KCTD8: variants seen among roughly 807,000 people sequenced by gnomAD.
The protein encoded by KCTD8 is potassium channel tetramerization domain containing 8.
A neutral mutation model predicts 31.5 loss-of-function variants in KCTD8; 27 were observed. The ratio of observed to expected loss-of-function variants is 0.86; its 90% CI spans 0.63 to 1.18. The LOEUF is 1.18. KCTD8 is among the 50% of genes most tolerant of loss of function. KCTD8 has a pLI of 0.00. For missense variants in KCTD8, 658 were observed against 647.7 expected (o/e 1.02, Z -0.17); for synonymous variants, 290 against 280.0 (o/e 1.04, Z -0.36).
chr4:44,277,879 A>G (rs554256659), intron 1 of KCTD8, among the ~76,000 whole-genome samples: 103 of 152,092 alleles, frequency 6.8e-4, no homozygotes, highest in Non-Finnish European at 1.2e-3. Flanking sequence ...GGTTCTGACT[A>G]CACTACTACA....
chr4:44,286,335 C>A (rs1717066895), intron 1 of KCTD8, among the ~76,000 whole-genome samples: 1 of 152,088 alleles, frequency 6.6e-6, no homozygotes, highest in South Asian at 2.1e-4. Context: ...AAATCGACCC[C>A]AAATTTAATG....
At chr4:44,331,410 A>C (rs1320992683) in intron 1 of KCTD8, among the ~76,000 whole-genome samples, 1 of 151,814 alleles carries the variant, frequency 6.6e-6, no homozygotes, top group African/African-American at 2.4e-5. Context: ...AAATTATATT[A>C]TTTTGGAAAA....
intron 1 of KCTD8, among the ~76,000 whole-genome samples, chr4:44,446,845 T>C (rs1162270477): frequency 1.3e-5 from 2 of 150,864 alleles, no homozygotes; most frequent in Admixed American, 1.3e-4. Flanking sequence ...CACTCAGACA[T>C]GCAAACTTTC....
chr4:44,233,042 A>C (rs968777815), intron 1 of KCTD8, among the ~76,000 whole-genome samples: 2 of 152,070 alleles, frequency 1.3e-5, no homozygotes, highest in Non-Finnish European at 2.9e-5. Flanking sequence ...TTCAATAAAA[A>C]TTTTAAAACT....
chr4:44,252,789 T>C (rs1166275063), intron 1 of KCTD8, among the ~76,000 whole-genome samples: 1 of 151,754 alleles, frequency 6.6e-6, no homozygotes, highest in Non-Finnish European at 1.5e-5. Context: ...ATAAATGTCT[T>C]ATGCTTTTCT....
chr4:44,358,810 C>A (rs1039669282), intron 1 of KCTD8, among the ~76,000 whole-genome samples: 1 of 152,090 alleles, frequency 6.6e-6, no homozygotes, highest in Admixed American at 6.5e-5. Context: ...ACCTCATGAT[C>A]CACCCGCCTC....
At chr4:44,385,550 C>T (rs2109445949) in intron 1 of KCTD8, among the ~76,000 whole-genome samples, 1 of 151,632 alleles carries the variant, frequency 6.6e-6, no homozygotes, top group South Asian at 2.1e-4. Flanking sequence ...TAAAAATTAT[C>T]TCAAAATGGA....
intron 1 of KCTD8, among the ~76,000 whole-genome samples, chr4:44,327,865 T>C (rs16856848): frequency 0.03 from 4,495 of 151,898 alleles, 281 homozygotes; most frequent in African/African-American, 0.1. Context: ...CCATCATTTG[T>C]TAAGCACTTG....
chr4:44,330,109 A>G (rs1718557617), intron 1 of KCTD8, among the ~76,000 whole-genome samples: 1 of 151,894 alleles, frequency 6.6e-6, no homozygotes, highest in South Asian at 2.1e-4. Flanking sequence ...TCTTTTTTTC[A>G]TTGTAACTAA....
intron 1 of KCTD8, among the ~76,000 whole-genome samples, chr4:44,202,089 A>G (rs1714166979): frequency 6.6e-6 from 1 of 152,202 alleles, no homozygotes; most frequent in South Asian, 2.1e-4. Context: ...CCACAATGAG[A>G]TACAGTCTTA....
chr4:44,316,905 G>A (rs1718137517), intron 1 of KCTD8, among the ~76,000 whole-genome samples: 1 of 150,828 alleles, frequency 6.6e-6, no homozygotes, highest in Non-Finnish European at 1.5e-5. Context: ...ATGAACTCAG[G>A]AGGCAGGGAT....
chr4:44,391,954 T>C (rs1720385357), intron 1 of KCTD8, among the ~76,000 whole-genome samples: 1 of 151,914 alleles, frequency 6.6e-6, no homozygotes, highest in Admixed American at 6.6e-5. Flanking sequence ...AGCCAAACAT[T>C]AGATTTGGTC....
At chr4:44,357,816 T>C (rs1719383659) in intron 1 of KCTD8, among the ~76,000 whole-genome samples, 1 of 151,856 alleles carries the variant, frequency 6.6e-6, no homozygotes, top group Admixed American at 6.6e-5. Flanking sequence ...ATCATTAAAA[T>C]AAAAGGAAAC....
At chr4:44,401,328 G>A (rs1009012004) in intron 1 of KCTD8, among the ~76,000 whole-genome samples, 1 of 152,004 alleles carries the variant, frequency 6.6e-6, no homozygotes, top group Non-Finnish European at 1.5e-5. Context: ...GGAATGGCTG[G>A]AGTTTTCATC....
intron 1 of KCTD8, among the ~76,000 whole-genome samples, chr4:44,219,526 C>T (rs916085086): frequency 6.6e-6 from 1 of 152,104 alleles, no homozygotes; most frequent in African/African-American, 2.4e-5. Context: ...AAGATAGAAG[C>T]AGAGACTGGA....
chr4:44,178,736 A>G (rs540774524), intron 1 of KCTD8, among the ~76,000 whole-genome samples: 112 of 152,326 alleles, frequency 7.4e-4, no homozygotes, highest in Non-Finnish European at 1.1e-3. Context: ...AGAGTACTAG[A>G]TACTACCAAA....
Position 44,448,543 on chromosome 4 carries a change from C to G in KCTD8, c.-20G>C, listed in dbSNP as rs374200300. ...AGCCATAGTCCCCCCGCCGCCGGCC[C>G]AGTGACCCGAGAGAGCTGCACTTTC... On this transcript the variant is annotated 5_prime_UTR_variant, in exon 1 of 2. Transcript: ENST00000360029. This position sits in a 1 kb window ranked among gnomAD's most constrained non-coding sequence, Gnocchi z 4.1. 2.8e-6 allele frequency: 4 copies of G among 1,450,560 alleles called. No homozygotes were observed. Among genetic ancestry groups the G allele is most frequent in the Middle Eastern group, 5.2e-4 (2 of 3,814 alleles). The allele number at this position is 1,450,560 out of a possible 1,614,324, so 89.9% of individuals were successfully genotyped here.
At chr4:44,290,443 C>T (rs1367396453) in intron 1 of KCTD8, among the ~76,000 whole-genome samples, 1 of 151,922 alleles carries the variant, frequency 6.6e-6, no homozygotes, top group African/African-American at 2.4e-5. Flanking sequence ...ATTTAAACTC[C>T]ACAATTGAGC....
At chr4:44,282,186 T>A (rs1320273816) in intron 1 of KCTD8, among the ~76,000 whole-genome samples, 1 of 152,030 alleles carries the variant, frequency 6.6e-6, no homozygotes, top group African/African-American at 2.4e-5. Flanking sequence ...CAAGCAAGAC[T>A]ATTGGGGTCA....
Sources: allele counts gnomAD v4.1 joint callset (sites outside exome capture counted in the v4.1 genomes callset), GRCh38; gene constraint gnomAD v4.1.1; non-coding constraint Gnocchi (gnomAD v3.1); transcripts MANE v1.5; gene names NCBI Gene and HGNC (gene_info 2026-07-23, HGNC 2026-07-21).